The following PCDH15 variants were observed in gnomAD, a reference collection of about 807,000 sequenced individuals.
PCDH15 encodes protocadherin related 15.
Under a neutral mutation model 178.5 loss-of-function variants are expected in PCDH15, and 129 were observed. That is an observed-to-expected ratio of 0.72 (90% confidence interval 0.63 to 0.84). The LOEUF is 0.84. Among genes scored for constraint, PCDH15 ranks in the 40% least tolerant of loss-of-function variants. PCDH15 has a pLI of 0.00. For missense variants in PCDH15, 2,230 were observed against 2,099.9 expected (o/e 1.06, Z -1.21); for synonymous variants, 800 against 732.0 (o/e 1.09, Z -1.50).
At chr10:53,855,224 G>T (rs1444530836) in intron 28 of PCDH15, among the ~76,000 whole-genome samples, 1 of 151,898 alleles carries the variant, frequency 6.6e-6, no homozygotes, top group Non-Finnish European at 1.5e-5. Flanking sequence ...ATAATGCTTT[G>T]TAGAAAAATA....
At chr10:54,729,418 T>A (rs1259705345) in intron 1 of PCDH15, among the ~76,000 whole-genome samples, 1 of 151,532 alleles carries the variant, frequency 6.6e-6, no homozygotes, top group East Asian at 1.9e-4. Context: ...AAAAATGGAT[T>A]TAAGACTTAA....
intron 1 of PCDH15, among the ~76,000 whole-genome samples, chr10:55,192,737 C>CTATA (rs541584207): frequency 6.6e-6 from 1 of 150,460 alleles, no homozygotes; most frequent in South Asian, 2.1e-4. Flanking sequence ...CTCTCTCTCT[C>CTATA]TCTCTATATA....
At chr10:55,296,277 C>T (rs150578944) in intron 1 of PCDH15, among the ~76,000 whole-genome samples, 1 of 152,064 alleles carries the variant, frequency 6.6e-6, no homozygotes, top group Admixed American at 6.6e-5. Context: ...AAATCATTGG[C>T]ACTTTGTGAC....
At chr10:55,156,835 G>T (rs1282501008) in intron 2 of PCDH15, among the ~76,000 whole-genome samples, 1 of 152,120 alleles carries the variant, frequency 6.6e-6, no homozygotes, top group Non-Finnish European at 1.5e-5. Context: ...AGAGAGGTTG[G>T]TGACTGTTGA....
chr10:54,205,646 A>G (rs1294525923), intron 10 of PCDH15, among the ~76,000 whole-genome samples: 2 of 152,044 alleles, frequency 1.3e-5, no homozygotes, highest in Non-Finnish European at 2.9e-5. Context: ...TTATGTTTGC[A>G]TCATCCTAAT....
intron 2 of PCDH15, among the ~76,000 whole-genome samples, chr10:54,983,373 G>A (rs1208193649): frequency 6.6e-6 from 1 of 152,062 alleles, no homozygotes; most frequent in African/African-American, 2.4e-5. Context: ...CCAATAGTGT[G>A]TAAACCTTGT....
chr10:55,260,690 A>C (rs1842126794), intron 1 of PCDH15, among the ~76,000 whole-genome samples: 1 of 152,192 alleles, frequency 6.6e-6, no homozygotes, highest in South Asian at 2.1e-4. Context: ...CAGGATGTTA[A>C]AGTCATTTAA....
chr10:53,962,020 C>A, intron 21 of PCDH15, 128 bp from the exon 22 acceptor site: 1 of 761,000 alleles, frequency 1.3e-6, no homozygotes. Flanking sequence ...TATTTTCATT[C>A]TTTCAGAGCT....
At chr10:54,005,982 A>G (rs1288843439) in intron 20 of PCDH15, among the ~76,000 whole-genome samples, 2 of 152,272 alleles carry the variant, frequency 1.3e-5, no homozygotes, top group East Asian at 1.9e-4. Context: ...AACCATAAAG[A>G]AGAATGAGAT....
At chr10:54,012,280 CAT>C (rs1236433878) in intron 20 of PCDH15, among the ~76,000 whole-genome samples, 1 of 151,678 alleles carries the variant, frequency 6.6e-6, no homozygotes, top group African/African-American at 2.4e-5. Flanking sequence ...ACCCCTGAAA[CAT>C]ATGGGATTAT....
At chr10:54,486,800 G>A (rs769115086) in intron 3 of PCDH15, among the ~76,000 whole-genome samples, 2 of 151,922 alleles carry the variant, frequency 1.3e-5, no homozygotes, top group African/African-American at 4.8e-5. Context: ...AAGCATCTTT[G>A]GGGGAACAGG....
At chr10:55,464,980 G>A (rs1244817847) in intron 2 of PCDH15, among the ~76,000 whole-genome samples, 1 of 151,730 alleles carries the variant, frequency 6.6e-6, no homozygotes, top group African/African-American at 2.4e-5. Context: ...ACCTTGAAAG[G>A]TCTGTTCCTT....
intron 2 of PCDH15, among the ~76,000 whole-genome samples, chr10:54,914,059 G>A (rs950625683): frequency 1.3e-5 from 2 of 152,090 alleles, no homozygotes; most frequent in African/African-American, 4.8e-5. Context: ...AGATTTTCAG[G>A]GACTGTTTGA....
In PCDH15 at chr10:53,843,046, A is replaced by G. The variant is rs373058557; in HGVS notation, c.3807-2550T>C. 5.9e-5 allele frequency among the ~76,000 whole-genome samples: 9 copies of G among 152,212 alleles called. No homozygotes were observed. In the East Asian group the frequency reaches 1.2e-3, roughly 20 times the overall value. ...AGAATCATTTCACTAAAAAAAATAGATGTGGAATAAAATATAACTGTACCA... is the reference window on the plus strand; with the variant it reads ...AGAATCATTTCACTAAAAAAAATAGGTGTGGAATAAAATATAACTGTACCA... On this transcript the variant is annotated intron_variant, in intron 28 of 37. Coordinates refer to ENST00000644397, the MANE Select transcript of PCDH15 (RefSeq NM_001384140.1).
At chr10:54,967,608 T>G (rs572174136) in intron 2 of PCDH15, among the ~76,000 whole-genome samples, 1 of 152,300 alleles carries the variant, frequency 6.6e-6, no homozygotes, top group East Asian at 1.9e-4. Flanking sequence ...TGTATTTCTT[T>G]ACCTGATGAT....
Position 53,806,141 on chromosome 10 carries a change from A to AACTC in PCDH15, c.*434_*437dup, listed in dbSNP as rs1335847562. ...GGGCAGTATAGACAGCAGCTGTATA[A>AACTC]ACTCATTGCCTGTAAATATCCTCTT... On this transcript the variant is annotated 3_prime_UTR_variant, in exon 38 of 38. Transcript: ENST00000644397. 5.9e-6 allele frequency: 1 copy of AACTC among 169,152 alleles called. No individual in the cohort carries two copies. The highest frequency in any genetic ancestry group is 2.4e-5 in the African/African-American group (1 of 41,510). The allele number at this position is 169,152 out of a possible 1,614,324, so 10.5% of individuals were successfully genotyped here.
chr10:54,754,636 T>G (rs1196246137), intron 1 of PCDH15, among the ~76,000 whole-genome samples: 1 of 152,094 alleles, frequency 6.6e-6, no homozygotes, highest in Non-Finnish European at 1.5e-5. Context: ...TTATCATTAT[T>G]TTTTCAAATT....
chr10:55,273,452 C>T (rs2132249326), intron 1 of PCDH15, among the ~76,000 whole-genome samples: 1 of 152,070 alleles, frequency 6.6e-6, no homozygotes, highest in South Asian at 2.1e-4. Context: ...CTATTATCTC[C>T]TATACAAAGT....
chr10:54,350,641 T>C (rs755270019), intron 5 of PCDH15, among the ~76,000 whole-genome samples: 27 of 152,180 alleles, frequency 1.8e-4, no homozygotes, highest in Non-Finnish European at 3.4e-4. Context: ...CTATGCCAGA[T>C]GCAAAAAAGC....
Sources: gnomAD v4.1 joint callset for allele counts (sites outside exome capture counted in the v4.1 genomes callset) on GRCh38, gnomAD v4.1.1 for gene constraint, MANE v1.5 for transcripts, NCBI Gene and HGNC (gene_info 2026-07-23, HGNC 2026-07-21) for gene names.